Variants in ADCY8 observed in about 807,000 individuals in gnomAD.
ADCY8 encodes the protein adenylate cyclase type 8.
Under a neutral mutation model 119.7 loss-of-function variants are expected in ADCY8, and 51 were observed. That is an observed-to-expected ratio of 0.43 (90% CI 0.34 to 0.54). ADCY8 has a LOEUF of 0.54. Ranked by LOEUF, ADCY8 falls within the 20% of genes least tolerant of loss-of-function variation. The probability of loss-of-function intolerance (pLI) is 0.03; values close to 1 mark genes in which losing one functional copy is unlikely to be tolerated. For missense variants in ADCY8, 1,383 were observed against 1,598.8 expected (o/e 0.87, Z 2.30); for synonymous variants, 665 against 651.0 (o/e 1.02, Z -0.33).
intron 15 of ADCY8, 61 bp downstream of exon 15, chr8:130,800,365 A>G: frequency 6.3e-7 from 1 of 1,593,506 alleles, no homozygotes; most frequent in Non-Finnish European, 8.6e-7. Context: ...TACAATGAAT[A>G]ACACAACGCT....
intron 2 of ADCY8, among the ~76,000 whole-genome samples, chr8:130,986,380 C>CTACA (rs1357490963): frequency 6.6e-6 from 1 of 152,116 alleles, no homozygotes; most frequent in Non-Finnish European, 1.5e-5. Context: ...TCAGAAGATC[C>CTACA]TACATTTCAG....
At position 130,876,656 on chromosome 8, in the gene ADCY8, A is replaced by G. The variant is rs1473707345; in HGVS notation, c.2109+7908T>C. 3.3e-5 allele frequency among the ~76,000 whole-genome samples: 5 copies of G among 151,376 alleles called. No homozygotes were observed. In the East Asian group the frequency reaches 9.7e-4, roughly 29 times the overall value. On this transcript the variant is annotated intron_variant, in intron 8 of 17. Transcript: ENST00000286355. ...GAAACAAGAGGTGGATTGTTTGTAT[A>G]TGTGTGTGCCTATGTATGTGTACAT...
At chr8:130,922,252 C>T (rs1391545521) in intron 5 of ADCY8, among the ~76,000 whole-genome samples, 1 of 143,066 alleles carries the variant, frequency 7.0e-6, no homozygotes, top group African/African-American at 2.6e-5. Flanking sequence ...GGGTGTTTCT[C>T]ACAGAGGGGG....
At chr8:130,908,701 C>G (rs1819870632) in intron 6 of ADCY8, among the ~76,000 whole-genome samples, 1 of 152,144 alleles carries the variant, frequency 6.6e-6, no homozygotes, top group Non-Finnish European at 1.5e-5. Flanking sequence ...AAGTTAAGCA[C>G]TGGCCTGAGA....
chr8:130,938,457 T>C lies in ADCY8; in HGVS notation c.1354-1257A>G, dbSNP rs1820859211. ...TGTTGGGGCTGAATGACCTCTGAGA[T>C]GCCTTCTAGATCTGAAGTCCTAGAG... On this transcript the variant is annotated intron_variant, in intron 4 of 17. Transcript: ENST00000286355. 1.3e-5 allele frequency among the ~76,000 whole-genome samples: 2 copies of C among 152,146 alleles called. 1 individual carries two copies. The highest frequency in any genetic ancestry group is 4.1e-4 in the South Asian group (2 of 4,832).
At chr8:130,988,928 C>A (rs1455815739) in intron 2 of ADCY8, among the ~76,000 whole-genome samples, 1 of 152,142 alleles carries the variant, frequency 6.6e-6, no homozygotes, top group African/African-American at 2.4e-5. Context: ...TGTGACAAAG[C>A]ATTAAGAACA....
Position 130,992,386 on chromosome 8 carries a change from T to TATATATTGAGCAACTGTGCCTGGCAC in ADCY8, c.961-1845_961-1844insGTGCCAGGCACAGTTGCTCAATATAT, listed in dbSNP as rs1412997109. Among the ~76,000 whole-genome samples the TATATATTGAGCAACTGTGCCTGGCAC allele has an allele frequency of 2.6e-3, 39 of 14,956 alleles. 4 individuals carry two copies. The highest frequency in any genetic ancestry group is 0.012 in the African/African-American group (38 of 3,298). 9.8% of individuals were successfully genotyped at this position (14,956 alleles called of 152,430 possible). On this transcript the variant is annotated intron_variant, in intron 1 of 17. Coordinates refer to ENST00000286355, the MANE Select transcript of ADCY8 (RefSeq NM_001115.3). The stretch of plus-strand genomic sequence containing the variant: ...TACATGAGCAACTGTATCTGGCATA[T>TATATATTGAGCAACTGTGCCTGGCAC]ATATATATATATATATATATATATA...
In ADCY8 at chr8:130,972,721, G is replaced by C. The variant is rs867602063; in HGVS notation, c.1110+17672C>G. On this transcript the variant is annotated intron_variant, in intron 2 of 17. Transcript: ENST00000286355. ...TCATTTAGGAAACCGCACGAATGAA[G>C]CCCAACACATTTGCCACCCTGGTCT... Among the ~76,000 whole-genome samples the C allele has an allele frequency of 7.9e-5, 12 of 152,240 alleles. No individual in the cohort carries two copies. The South Asian group carries it at 8.3e-4, about 11-fold the overall frequency.
intron 7 of ADCY8, among the ~76,000 whole-genome samples, chr8:130,885,401 A>G (rs1818944351): frequency 6.6e-6 from 1 of 152,108 alleles, no homozygotes; most frequent in African/African-American, 2.4e-5. Context: ...TTTAGGTAAA[A>G]AATGCAAGCA....
intron 2 of ADCY8, among the ~76,000 whole-genome samples, chr8:130,965,305 T>C (rs1252521151): frequency 6.6e-6 from 1 of 151,990 alleles, no homozygotes; most frequent in Non-Finnish European, 1.5e-5. Context: ...GGCACAAAGA[T>C]GGAAATAATA....
intron 1 of ADCY8, among the ~76,000 whole-genome samples, chr8:131,016,491 G>A (rs1586658541): frequency 1.3e-5 from 2 of 152,248 alleles, no homozygotes; most frequent in African/African-American, 4.8e-5. Flanking sequence ...GTGATCAATC[G>A]AGACCCCATC....
At chr8:131,022,824 G>T (rs1480768647) in intron 1 of ADCY8, among the ~76,000 whole-genome samples, 1 of 152,106 alleles carries the variant, frequency 6.6e-6, no homozygotes, top group Non-Finnish European at 1.5e-5. Flanking sequence ...TGGCTCCAGG[G>T]TAGAACACAT....
Position 130,973,976 on chromosome 8 carries a change from A to C in ADCY8, c.1110+16417T>G, listed in dbSNP as rs953981305. On this transcript the variant is annotated intron_variant, in intron 2 of 17. Coordinates refer to ENST00000286355, the MANE Select transcript of ADCY8 (RefSeq NM_001115.3). ...TTGCTCAAGAGACTCAACAATGCAG[A>C]TGACAGAACCAGATTTGAAAACTTG... 4.6e-5 allele frequency among the ~76,000 whole-genome samples: 7 copies of C among 152,376 alleles called. No homozygotes were observed. The Middle Eastern group carries it at 0.01, about 222-fold the overall frequency.
intron 2 of ADCY8, among the ~76,000 whole-genome samples, chr8:130,977,605 T>C (rs548531287): frequency 6.6e-6 from 1 of 152,348 alleles, no homozygotes; most frequent in East Asian, 1.9e-4. Context: ...GTGAGAGCTC[T>C]TATTGGGCAC....
intron 15 of ADCY8, among the ~76,000 whole-genome samples, chr8:130,793,437 T>C (rs920999627): frequency 6.6e-6 from 1 of 152,214 alleles, no homozygotes; most frequent in East Asian, 1.9e-4. Flanking sequence ...CTGCATTATC[T>C]TCCCCCACCG....
At chr8:131,028,557 AAAG>A (rs543917766) in intron 1 of ADCY8, among the ~76,000 whole-genome samples, 19 of 152,164 alleles carry the variant, frequency 1.2e-4, no homozygotes, top group Non-Finnish European at 2.8e-4. Flanking sequence ...AGAAAAAAAA[AAAG>A]AACTAAAAAG....
intron 2 of ADCY8, among the ~76,000 whole-genome samples, chr8:130,953,652 T>C (rs575012254): frequency 6.6e-6 from 1 of 152,314 alleles, no homozygotes. Context: ...TTTCTGTGCC[T>C]TAGTTCCCTA....
chr8:130,782,765 T>C (rs1429579062), intron 17 of ADCY8, among the ~76,000 whole-genome samples: 1 of 152,202 alleles, frequency 6.6e-6, no homozygotes, highest in Non-Finnish European at 1.5e-5. Context: ...AGCAAAGACA[T>C]ATGGCATTCC....
In ADCY8 at chr8:130,869,742, A is replaced by C. The variant is rs191254384; in HGVS notation, c.2110-1796T>G. Among the ~76,000 whole-genome samples the C allele has an allele frequency of 7.7e-4, 116 of 151,168 alleles. 1 individual carries two copies. The highest frequency in any genetic ancestry group is 2.7e-3 in the African/African-American group (111 of 41,254). On this transcript the variant is annotated intron_variant, in intron 8 of 17. Transcript: ENST00000286355. ...CCATGTTAGCCAGGATGGTCTCGAT[A>C]TCCTGACCTGGTGATCCACCTGCCT...
Sources: allele counts gnomAD v4.1 joint callset (sites outside exome capture counted in the v4.1 genomes callset), GRCh38; gene constraint gnomAD v4.1.1; transcripts MANE v1.5; gene names NCBI Gene and HGNC (gene_info 2026-07-23, HGNC 2026-07-21).